Variants in PCDH9 observed in about 807,000 individuals in gnomAD.
PCDH9 encodes protocadherin-9.
Under a neutral mutation model 70.6 loss-of-function variants are expected in PCDH9, and 24 were observed. The observed-to-expected ratio is 0.34, with a 90% CI of 0.25 to 0.48. PCDH9 has a LOEUF of 0.48. Ranked by LOEUF, PCDH9 falls within the 20% of genes least tolerant of loss-of-function variation. The pLI is 0.99. For missense variants in PCDH9, 1,281 were observed against 1,503.6 expected (o/e 0.85, Z 2.45); for synonymous variants, 562 against 558.5 (o/e 1.01, Z -0.09).
intron 2 of PCDH9, among the ~76,000 whole-genome samples, chr13:67,034,149 T>A (rs1052865629): frequency 6.6e-6 from 1 of 152,036 alleles, no homozygotes; most frequent in Non-Finnish European, 1.5e-5. Flanking sequence ...CACACCTGGC[T>A]AATTTTTGTA....
chr13:67,005,241 TAA>T (rs71772833), intron 2 of PCDH9, among the ~76,000 whole-genome samples: 3 of 148,672 alleles, frequency 2.0e-5, no homozygotes, highest in African/African-American at 7.4e-5. Context: ...CTGATCTCTT[TAA>T]AAAAAAAAAG....
At chr13:66,789,720 C>A (rs1388083379) in intron 3 of PCDH9, among the ~76,000 whole-genome samples, 2 of 152,100 alleles carry the variant, frequency 1.3e-5, no homozygotes, top group Non-Finnish European at 2.9e-5. Flanking sequence ...TTATCAATTT[C>A]TATAGACCAT....
At chr13:66,411,485 A>G (rs1476493846) in intron 4 of PCDH9, among the ~76,000 whole-genome samples, 1 of 152,126 alleles carries the variant, frequency 6.6e-6, no homozygotes, top group African/African-American at 2.4e-5. Flanking sequence ...ATGGGGTCTC[A>G]CAATATTTCC....
At chr13:66,914,985 C>T (rs1379337188) in intron 2 of PCDH9, 5 of 151,216 alleles carry the variant, frequency 3.3e-5, no homozygotes, top group East Asian at 3.9e-4. Flanking sequence ...GGAGAACAAC[C>T]GTATTTTTGT....
intron 4 of PCDH9, among the ~76,000 whole-genome samples, chr13:66,387,976 A>G (rs1956958115): frequency 6.6e-6 from 1 of 152,196 alleles, no homozygotes; most frequent in African/African-American, 2.4e-5. Flanking sequence ...CCAAGCTAAT[A>G]TTCGGCAGTT....
At chr13:67,178,074 G>A (rs1002842042) in intron 2 of PCDH9, among the ~76,000 whole-genome samples, 2 of 151,962 alleles carry the variant, frequency 1.3e-5, no homozygotes, top group South Asian at 2.1e-4. Flanking sequence ...GGCACTAAAT[G>A]CTATTGACTT....
At chr13:66,872,621 T>C (rs2081716104) in intron 3 of PCDH9, among the ~76,000 whole-genome samples, 1 of 152,180 alleles carries the variant, frequency 6.6e-6, no homozygotes, top group Non-Finnish European at 1.5e-5. Flanking sequence ...CTTAAAACAT[T>C]ATTTCATATC....
chr13:66,738,504 C>T (rs1486119570), intron 3 of PCDH9, among the ~76,000 whole-genome samples: 6 of 144,186 alleles, frequency 4.2e-5, no homozygotes, highest in Non-Finnish European at 7.6e-5. Flanking sequence ...ATGACTTTGA[C>T]GAGCTGAGAG....
At chr13:67,137,674 TAC>T (rs1433935802) in intron 2 of PCDH9, among the ~76,000 whole-genome samples, 2 of 152,156 alleles carry the variant, frequency 1.3e-5, no homozygotes, top group Non-Finnish European at 2.9e-5. Context: ...GTGCTATTGT[TAC>T]AGAGTCTGCT....
intron 2 of PCDH9, among the ~76,000 whole-genome samples, chr13:66,958,084 T>C (rs376792663): frequency 6.4e-4 from 98 of 152,240 alleles, no homozygotes; most frequent in African/African-American, 2.2e-3. Flanking sequence ...GAATTATACA[T>C]AAAGGTATGT....
intron 3 of PCDH9, among the ~76,000 whole-genome samples, chr13:66,731,365 A>T (rs1477004011): frequency 6.6e-6 from 1 of 152,148 alleles, no homozygotes; most frequent in Admixed American, 6.5e-5. Flanking sequence ...ATGAAAACAG[A>T]GATGGCTTTC....
At chr13:66,846,058 TG>T in intron 3 of PCDH9, among the ~76,000 whole-genome samples, 1 of 146,712 alleles carries the variant, frequency 6.8e-6, no homozygotes, top group East Asian at 2.1e-4. Context: ...ATCAACAAGA[TG>T]GGCCATAACA....
intron 3 of PCDH9, among the ~76,000 whole-genome samples, chr13:66,744,233 C>T (rs1291132515): frequency 6.6e-6 from 1 of 152,112 alleles, no homozygotes; most frequent in East Asian, 1.9e-4. Context: ...TTAATCAATT[C>T]ACATATCCCT....
chr13:66,599,053 TAG>T (rs1180998203), intron 4 of PCDH9, among the ~76,000 whole-genome samples: 3 of 151,830 alleles, frequency 2.0e-5, no homozygotes, highest in African/African-American at 7.2e-5. Context: ...ACTAGAAATT[TAG>T]AGTTATTTCC....
chr13:66,873,897 T>G (rs1485595120), intron 3 of PCDH9, among the ~76,000 whole-genome samples: 1 of 151,736 alleles, frequency 6.6e-6, no homozygotes, highest in Non-Finnish European at 1.5e-5. Flanking sequence ...ATCATTACAT[T>G]TCTTCTTTTT....
intron 3 of PCDH9, among the ~76,000 whole-genome samples, chr13:66,789,791 T>G (rs549262741): frequency 1.3e-5 from 2 of 152,296 alleles, no homozygotes; most frequent in South Asian, 4.1e-4. Context: ...TCCATAAGAA[T>G]AGAATTTTTG....
At chr13:66,480,098 C>G (rs765569051) in intron 4 of PCDH9, among the ~76,000 whole-genome samples, 22 of 152,130 alleles carry the variant, frequency 1.4e-4, no homozygotes, top group Non-Finnish European at 3.1e-4. Flanking sequence ...CAGAAGGAAC[C>G]AACTCCTAAC....
chr13:67,153,013 A>T (rs1467810624), intron 2 of PCDH9, among the ~76,000 whole-genome samples: 1 of 151,860 alleles, frequency 6.6e-6, no homozygotes, highest in Non-Finnish European at 1.5e-5. Context: ...CATCACTCCC[A>T]CCTGGAAGTG....
intron 3 of PCDH9, among the ~76,000 whole-genome samples, chr13:66,782,506 G>A (rs2080015563): frequency 6.6e-6 from 1 of 151,934 alleles, no homozygotes; most frequent in Admixed American, 6.6e-5. Context: ...TGTGCTCTAA[G>A]TGTAAAATAC....
Sources: gnomAD v4.1 joint callset for allele counts (sites outside exome capture counted in the v4.1 genomes callset) on GRCh38, gnomAD v4.1.1 for gene constraint, MANE v1.5 for transcripts, NCBI Gene and HGNC (gene_info 2026-07-23, HGNC 2026-07-21) for gene names.